KLF14: variants seen among roughly 807,000 people sequenced by gnomAD.
KLF14 encodes the protein KLF transcription factor 14.
In KLF14, 13 loss-of-function variants were observed where a neutral mutation model predicts 16.2. That is an observed-to-expected ratio of 0.80 (90% CI 0.52 to 1.28). The LOEUF (loss-of-function observed/expected upper bound fraction) is 1.28. KLF14 is among the 50% of genes most tolerant of loss of function. The pLI, the probability that KLF14 is intolerant of heterozygous loss-of-function variation, is 0.00. For synonymous variants in KLF14, 276 were observed against 233.7 expected (o/e 1.18, Z -1.65); for missense variants, 571 against 493.4 (o/e 1.16, Z -1.49).
In KLF14 at chr7:130,733,952, G is replaced by C. The variant is rs1554471203; in HGVS notation, c.82C>G (p.Arg28Gly). ...SMSAGAVVHR[R>G]PPDPEGAGGA... is the part of the protein sequence containing the mutation. ...CCCGCGCCCTCGGGGTCCGGCGGGC[G>C]GCGGTGAACCACGGCGCCCGCGGAC... The change falls in exon 1 of 1, where the codon CGC (arginine) becomes GGC (glycine). Residue 28 changes from arginine (R) to glycine (G), a missense_variant. Coordinates refer to ENST00000583337, the MANE Select transcript of KLF14 (RefSeq NM_138693.4). This position sits in a 1 kb window ranked among gnomAD's most constrained non-coding sequence, Gnocchi z 5.2. 1 of 1,367,990 alleles carries C rather than the reference G, an allele frequency of 7.3e-7. No homozygotes were observed. Among genetic ancestry groups the C allele is most frequent in the Non-Finnish European group, 9.5e-7 (1 of 1,056,868 alleles). 84.7% of individuals were successfully genotyped at this position (1,367,990 alleles called of 1,614,324 possible).
chr7:130,734,194 T>TGCCGCCGCA lies in KLF14; in HGVS notation c.-162_-161insTGCGGCGGC, dbSNP rs1797264317. ...CCGCCGCCGCCGCCGCAGCCGCCGC[T>TGCCGCCGCA]GCCGCCGCCGCCCGCGCGGAGCCCG... On this transcript the variant is annotated 5_prime_UTR_variant, in exon 1 of 1. Coordinates refer to ENST00000583337, the MANE Select transcript of KLF14 (RefSeq NM_138693.4). This position sits in a 1 kb window ranked among gnomAD's most constrained non-coding sequence, Gnocchi z 4.4. 1 of 225,610 alleles carries TGCCGCCGCA rather than the reference T, an allele frequency of 4.4e-6. No homozygotes were observed. The highest frequency in any genetic ancestry group is 7.3e-6 in the Non-Finnish European group (1 of 137,930). The allele number at this position is 225,610 out of a possible 1,614,324, so 14.0% of individuals were successfully genotyped here. A position where few individuals can be genotyped will look rare whatever the true frequency, so the allele number is the denominator to read the frequency against.
rs1315299045 is a variant in KLF14 at position 130,733,133 on chromosome 7, T to C, written c.901A>G (p.Thr301Ala). The C allele has an allele frequency of 1.3e-6, 2 of 1,587,712 alleles. No homozygotes were observed. The highest frequency in any genetic ancestry group is 1.7e-6 in the Non-Finnish European group (2 of 1,164,704). ...GAGGCGGAGCTTTCCACCTCGCTGG[T>C]GAGTGGCGGGTCGATGCGGGGAGTT... ...RRTPRIDPPL[T>A]SEVESSASGS... is the part of the protein sequence containing the mutation. The change falls in exon 1 of 1, where the codon ACC (threonine) becomes GCC (alanine). Residue 301 changes from threonine (T) to alanine (A), a missense_variant. Coordinates refer to ENST00000583337, the MANE Select transcript of KLF14 (RefSeq NM_138693.4). This position sits in a 1 kb window ranked among gnomAD's most constrained non-coding sequence, Gnocchi z 5.2.
rs1413130666 is a variant in KLF14, at chr7:130,730,731, C to A, written c.*2331G>T. 6.6e-6 allele frequency among the ~76,000 whole-genome samples: 1 copy of A among 152,194 alleles called. No homozygotes were observed. Among genetic ancestry groups the A allele is most frequent in the Non-Finnish European group, 1.5e-5 (1 of 68,034 alleles). ...TTGAGAATCAAAAGTTATTTATCAA[C>A]AGGTGATTGGAAAAGCCAAGCTTTC... On this transcript the variant is annotated 3_prime_UTR_variant, in exon 1 of 1. Transcript: ENST00000583337.
In KLF14 at chr7:130,733,572, A is replaced by G. The variant is rs1797236894; in HGVS notation, c.462T>C (p.Pro154=). ...SSDAPAVPSA[P]AAPGAPAASG... is the part of the protein sequence containing the mutation. ...AGGCTGCTGGTGCGCCCGGGGCAGC[A>G]GGCGCGCTTGGGACGGCGGGCGCAT... The change falls in exon 1 of 1, where the codon CCT becomes CCC. Residue 154 remains proline, a synonymous_variant. Transcript: ENST00000583337. The surrounding 1 kb of genome is among the most constrained non-coding windows in gnomAD (Gnocchi z 5.2). 3 of 1,553,008 alleles carry G rather than the reference A, an allele frequency of 1.9e-6. No individual in the cohort carries two copies. Among genetic ancestry groups the G allele is most frequent in the Non-Finnish European group, 2.6e-6 (3 of 1,149,702 alleles).
chr7:130,734,101 G>A lies in KLF14; in HGVS notation c.-68C>T, dbSNP rs1427968799. On this transcript the variant is annotated 5_prime_UTR_variant, in exon 1 of 1. Transcript: ENST00000583337. The surrounding 1 kb of genome is among the most constrained non-coding windows in gnomAD (Gnocchi z 4.4). ...CCGGCCGCGGGCGACGGAGTTCCCG[G>A]GAGCGTCCGTCCCGCAGCCTCGGAG... The A allele has an allele frequency of 2.0e-5, 20 of 981,170 alleles. No individual in the cohort carries two copies. The highest frequency in any genetic ancestry group is 2.6e-5 in the Non-Finnish European group (20 of 784,030). The allele number at this position is 981,170 out of a possible 1,614,324, so 60.8% of individuals were successfully genotyped here. A position where few individuals can be genotyped will look rare whatever the true frequency, so the allele number is the denominator to read the frequency against.
At position 130,731,188 on chromosome 7, in the gene KLF14, A is replaced by T. The variant is rs140443568; in HGVS notation, c.*1874T>A. 6.6e-6 allele frequency: 1 copy of T among 152,440 alleles called. No individual in the cohort carries two copies. Among genetic ancestry groups the T allele is most frequent in the Non-Finnish European group, 1.5e-5 (1 of 68,112 alleles). 9.4% of individuals were successfully genotyped at this position (152,440 alleles called of 1,614,324 possible). The stretch of plus-strand genomic sequence containing the variant: ...ATGCCCAGGACCAGAAAAAGAAGGG[A>T]ATTCACACTGAAAATTAACCTAGCA... On this transcript the variant is annotated 3_prime_UTR_variant, in exon 1 of 1. Transcript: ENST00000583337.
rs1554471172 is a variant in KLF14 at position 130,733,903 on chromosome 7, C to A, written c.131G>T (p.Gly44Val). The A allele has an allele frequency of 7.4e-7, 1 of 1,347,794 alleles. No homozygotes were observed. The highest frequency in any genetic ancestry group is 9.5e-7 in the Non-Finnish European group (1 of 1,051,198). 83.5% of individuals were successfully genotyped at this position (1,347,794 alleles called of 1,614,324 possible). A position where few individuals can be genotyped will look rare whatever the true frequency, so the allele number is the denominator to read the frequency against. ...GAGGAAGSEV[G>V]AAPPESALPG... ...CAGAGCGGACTCCGGCGGCGCCGCA[C>A]CCACCTCCGAGCCAGCGGCTCCACC... Residue 44 changes from glycine (G) to valine (V), a missense_variant, in exon 1 of 1, where the codon GGT becomes GTT. By Grantham distance (109) the Gly-to-Val change is moderately radical. Coordinates refer to ENST00000583337, the MANE Select transcript of KLF14 (RefSeq NM_138693.4). The surrounding 1 kb of genome is among the most constrained non-coding windows in gnomAD (Gnocchi z 5.2).
rs1797208596 is a variant in KLF14, at chr7:130,732,604, G to C, written c.*458C>G. 3 of 159,432 alleles carry C rather than the reference G, an allele frequency of 1.9e-5. No individual in the cohort carries two copies. Among genetic ancestry groups the C allele is most frequent in the African/African-American group, 7.2e-5 (3 of 41,600 alleles). The allele number at this position is 159,432 out of a possible 1,614,324, so 9.9% of individuals were successfully genotyped here. On this transcript the variant is annotated 3_prime_UTR_variant, in exon 1 of 1. Coordinates refer to ENST00000583337, the MANE Select transcript of KLF14 (RefSeq NM_138693.4). ...ATAGAAATCATTTCTGTTTCCAAAG[G>C]CCTCTCACCATCCCAGTCCTGGACA...
Position 130,732,864 on chromosome 7 carries a change from G to A in KLF14, c.*198C>T, listed in dbSNP as rs1797214460. 2 of 637,540 alleles carry A rather than the reference G, an allele frequency of 3.1e-6. No individual in the cohort carries two copies. Among genetic ancestry groups the A allele is most frequent in the Non-Finnish European group, 5.3e-6 (2 of 380,874 alleles). The allele number at this position is 637,540 out of a possible 1,614,324, so 39.5% of individuals were successfully genotyped here. A position where few individuals can be genotyped will look rare whatever the true frequency, so the allele number is the denominator to read the frequency against. ...CCCCCACTTTTAGGATGATATACACGTTGCAAGAATTCCCGCTATTTTCCG... is the reference window on the plus strand; with the variant it reads ...CCCCCACTTTTAGGATGATATACACATTGCAAGAATTCCCGCTATTTTCCG... On this transcript the variant is annotated 3_prime_UTR_variant, in exon 1 of 1. Coordinates refer to ENST00000583337, the MANE Select transcript of KLF14 (RefSeq NM_138693.4).
chr7:130,733,882 G>A lies in KLF14; in HGVS notation c.152C>T (p.Ala51Val). 1 of 1,330,546 alleles carries A rather than the reference G, an allele frequency of 7.5e-7. No individual in the cohort carries two copies. Among genetic ancestry groups the A allele is most frequent in the East Asian group, 3.2e-5 (1 of 31,080 alleles). 82.4% of individuals were successfully genotyped at this position (1,330,546 alleles called of 1,614,324 possible). A position where few individuals can be genotyped will look rare whatever the true frequency, so the allele number is the denominator to read the frequency against. ...SEVGAAPPESALPGPGPPGPA... is the reference protein window; with the variant it reads ...SEVGAAPPESVLPGPGPPGPA... Reference sequence around the variant, plus strand: ...CCCCGGTGGCCCCGGACCCGGCAGAGCGGACTCCGGCGGCGCCGCACCCAC... The same window carrying A: ...CCCCGGTGGCCCCGGACCCGGCAGAACGGACTCCGGCGGCGCCGCACCCAC... Residue 51 changes from alanine (A) to valine (V), a missense_variant, in exon 1 of 1, where the codon GCT (alanine) becomes GTT (valine). Physicochemically the swap from Ala to Val is moderately conservative, Grantham distance 64 (BLOSUM62 0). Transcript: ENST00000583337. This position sits in a 1 kb window ranked among gnomAD's most constrained non-coding sequence, Gnocchi z 5.2.
rs782430623 is a variant in KLF14 at position 130,733,113 on chromosome 7, G to A, written c.921C>T (p.Ser307=). 5.0e-6 allele frequency: 8 copies of A among 1,590,330 alleles called. No individual in the cohort carries two copies. The highest frequency in any genetic ancestry group is 6.9e-6 in the Non-Finnish European group (8 of 1,166,954). ...DPPLTSEVES[S]ASGSGPGPAP... ...CCGGGCCGGGACCGGAGCCGGAGGC[G>A]GAGCTTTCCACCTCGCTGGTGAGTG... The change falls in exon 1 of 1, where the codon TCC becomes TCT. Residue 307 remains serine, a synonymous_variant. Coordinates refer to ENST00000583337, the MANE Select transcript of KLF14 (RefSeq NM_138693.4). The surrounding 1 kb of genome is among the most constrained non-coding windows in gnomAD (Gnocchi z 5.2).
Position 130,732,830 on chromosome 7 carries a change from T to C in KLF14, c.*232A>G, listed in dbSNP as rs782685090. 5.3e-5 allele frequency: 29 copies of C among 544,214 alleles called. No individual in the cohort carries two copies. The highest frequency in any genetic ancestry group is 7.4e-5 in the Non-Finnish European group (23 of 310,006). The allele number at this position is 544,214 out of a possible 1,614,324, so 33.7% of individuals were successfully genotyped here. A position where few individuals can be genotyped will look rare whatever the true frequency, so the allele number is the denominator to read the frequency against. Reference sequence around the variant, plus strand: ...TTCTTATCAGTTCCTGGGGGCTGTCTTGAGGCAACCCCCACTTTTAGGATG... The same window carrying C: ...TTCTTATCAGTTCCTGGGGGCTGTCCTGAGGCAACCCCCACTTTTAGGATG... On this transcript the variant is annotated 3_prime_UTR_variant, in exon 1 of 1. Coordinates refer to ENST00000583337, the MANE Select transcript of KLF14 (RefSeq NM_138693.4).
In KLF14 at chr7:130,734,036, T is replaced by G; in HGVS notation, c.-3A>C. On this transcript the variant is annotated 5_prime_UTR_variant, in exon 1 of 1. Transcript: ENST00000583337. The surrounding 1 kb of genome is among the most constrained non-coding windows in gnomAD (Gnocchi z 4.4). ...AGGCACGCCACGGCGGCCGACATGC[T>G]GGGACCGCCCGGCCGCCGGCGAGCG... 8.1e-7 allele frequency: 1 copy of G among 1,241,640 alleles called. No homozygotes were observed. Among genetic ancestry groups the G allele is most frequent in the Non-Finnish European group, 1.0e-6 (1 of 993,328 alleles). 76.9% of individuals were successfully genotyped at this position (1,241,640 alleles called of 1,614,324 possible).
Position 130,732,926 on chromosome 7 carries a change from G to A in KLF14, c.*136C>T, listed in dbSNP as rs941837438. 2.6e-6 allele frequency: 3 copies of A among 1,149,108 alleles called. No individual in the cohort carries two copies. The highest frequency in any genetic ancestry group is 3.6e-6 in the Non-Finnish European group (3 of 835,370). The allele number at this position is 1,149,108 out of a possible 1,614,324, so 71.2% of individuals were successfully genotyped here. ...CTCCCCAGAGTCCACATGTCTGCCT[G>A]GACCCACCCTCAGAGCAGAGGAACC... is the stretch of plus-strand genomic sequence containing the variant. On this transcript the variant is annotated 3_prime_UTR_variant, in exon 1 of 1. Coordinates refer to ENST00000583337, the MANE Select transcript of KLF14 (RefSeq NM_138693.4).
rs899929728 is a variant in KLF14, at chr7:130,731,233, T to C, written c.*1829A>G. ...CTAGCAGGTCCAAAGAGAAAGTCTC[T>C]CCTAGGATGCCAAAAAGTCATTCTC... On this transcript the variant is annotated 3_prime_UTR_variant, in exon 1 of 1. Coordinates refer to ENST00000583337, the MANE Select transcript of KLF14 (RefSeq NM_138693.4). 6.6e-6 allele frequency: 1 copy of C among 152,178 alleles called. No homozygotes were observed. Among genetic ancestry groups the C allele is most frequent in the African/African-American group, 2.4e-5 (1 of 41,436 alleles). The allele number at this position is 152,178 out of a possible 1,614,324, so 9.4% of individuals were successfully genotyped here.
chr7:130,733,790 G>A lies in KLF14; in HGVS notation c.244C>T (p.His82Tyr). ...PSPGAGGAAPHLLAASVWADL... is the reference protein window; with the variant it reads ...PSPGAGGAAPYLLAASVWADL... ...GCCCAGACGCTTGCAGCCAGCAGGT[G>A]GGGCGCGGCGCCGCCCGCGCCGGGG... The change falls in exon 1 of 1, where the codon CAC (histidine) becomes TAC (tyrosine). Residue 82 changes from histidine (H) to tyrosine (Y), a missense_variant. Physicochemically the swap from His to Tyr is moderately conservative, Grantham distance 83. Transcript: ENST00000583337. This position sits in a 1 kb window ranked among gnomAD's most constrained non-coding sequence, Gnocchi z 5.2. 1 of 1,488,248 alleles carries A rather than the reference G, an allele frequency of 6.7e-7. No homozygotes were observed. The highest frequency in any genetic ancestry group is 8.9e-7 in the Non-Finnish European group (1 of 1,126,136). The allele number at this position is 1,488,248 out of a possible 1,614,324, so 92.2% of individuals were successfully genotyped here.
Position 130,733,517 on chromosome 7 carries a change from C to T in KLF14, c.517G>A (p.Ala173Thr), listed in dbSNP as rs35770036. 1.3e-6 allele frequency: 2 copies of T among 1,580,634 alleles called. No individual in the cohort carries two copies. The highest frequency in any genetic ancestry group is 1.7e-6 in the Non-Finnish European group (2 of 1,164,236). ...TGATCCGCGGCGGGGGCGGGGCCTGCCCCTAGGGCCCCTCCAGAGAACCCA... is the reference window on the plus strand; with the variant it reads ...TGATCCGCGGCGGGGGCGGGGCCTGTCCCTAGGGCCCCTCCAGAGAACCCA... The part of the protein sequence containing the change: ...SGGFSGGALG[A>T]GPAPAADQAP... Residue 173 changes from alanine (A) to threonine (T), a missense_variant, in exon 1 of 1, where the codon GCA becomes ACA. Physicochemically the swap from Ala to Thr is moderately conservative, Grantham distance 58. Coordinates refer to ENST00000583337, the MANE Select transcript of KLF14 (RefSeq NM_138693.4). This position sits in a 1 kb window ranked among gnomAD's most constrained non-coding sequence, Gnocchi z 5.2.
chr7:130,730,731 CA>C lies in KLF14; in HGVS notation c.*2330del, dbSNP rs1182732003. ...TTGAGAATCAAAAGTTATTTATCAA[CA>C]GGTGATTGGAAAAGCCAAGCTTTCT... is the stretch of plus-strand genomic sequence containing the variant. On this transcript the variant is annotated 3_prime_UTR_variant, in exon 1 of 1. Transcript: ENST00000583337. Among the ~76,000 whole-genome samples the C allele has an allele frequency of 6.6e-6, 1 of 152,194 alleles. No individual in the cohort carries two copies. Among genetic ancestry groups the C allele is most frequent in the Non-Finnish European group, 1.5e-5 (1 of 68,034 alleles).
In KLF14 at chr7:130,733,928, C is replaced by G. The variant is rs1455257456; in HGVS notation, c.106G>C (p.Gly36Arg). The G allele has an allele frequency of 7.3e-7, 1 of 1,362,660 alleles. No homozygotes were observed. Among genetic ancestry groups the G allele is most frequent in the South Asian group, 1.6e-5 (1 of 64,338 alleles). 84.4% of individuals were successfully genotyped at this position (1,362,660 alleles called of 1,614,324 possible). Reference sequence around the variant, plus strand: ...CCCACCTCCGAGCCAGCGGCTCCACCCGCGCCCTCGGGGTCCGGCGGGCGG... The same window carrying G: ...CCCACCTCCGAGCCAGCGGCTCCACGCGCGCCCTCGGGGTCCGGCGGGCGG... Reference protein sequence around the residue: ...HRRPPDPEGAGGAAGSEVGAA... With the variant: ...HRRPPDPEGARGAAGSEVGAA... Residue 36 changes from glycine to arginine, a missense_variant, in exon 1 of 1, where the codon GGT becomes CGT. Transcript: ENST00000583337. The surrounding 1 kb of genome is among the most constrained non-coding windows in gnomAD (Gnocchi z 5.2).
Sources: allele counts gnomAD v4.1 joint callset (sites outside exome capture counted in the v4.1 genomes callset), GRCh38; gene constraint gnomAD v4.1.1; non-coding constraint Gnocchi (gnomAD v3.1); transcripts MANE v1.5; gene names NCBI Gene and HGNC (gene_info 2026-07-23, HGNC 2026-07-21).